CSMD1: variants seen among roughly 807,000 people sequenced by gnomAD.
CSMD1 encodes the protein CUB and sushi domain-containing protein 1.
CSMD1 carries 213 observed loss-of-function variants against 417.5 expected under a neutral mutation model. The observed-to-expected ratio is 0.51, with a 90% CI of 0.46 to 0.57. The LOEUF (loss-of-function observed/expected upper bound fraction) is 0.57. CSMD1 is among the 20% of genes least tolerant of loss of function. The pLI, the probability that CSMD1 is intolerant of heterozygous loss-of-function variation, is 0.00. For synonymous variants in CSMD1, 2,862 were observed against 1,736.8 expected, an observed-to-expected ratio of 1.65 and a Z score of -16.11; for missense variants, 6,923 against 4,529.7, an observed-to-expected ratio of 1.53 and a Z score of -15.17.
intron 26 of CSMD1, among the ~76,000 whole-genome samples, chr8:3,272,169 A>C (rs1801912751): frequency 1.4e-5 from 2 of 146,822 alleles, no homozygotes; most frequent in Non-Finnish European, 3.0e-5. Context: ...TTTTCCCAGC[A>C]CCATTTATTA....
At chr8:4,085,750 A>T (rs1800385552) in intron 3 of CSMD1, among the ~76,000 whole-genome samples, 1 of 152,194 alleles carries the variant, frequency 6.6e-6, no homozygotes. Context: ...AATGGAGGGA[A>T]GATGTGTGGC....
intron 2 of CSMD1, among the ~76,000 whole-genome samples, chr8:4,499,610 G>A (rs945872554): frequency 6.6e-6 from 1 of 152,174 alleles, no homozygotes; most frequent in Non-Finnish European, 1.5e-5. Flanking sequence ...GGTCAACAGT[G>A]GAATACATTA....
intron 69 of CSMD1, among the ~76,000 whole-genome samples, chr8:2,939,028 G>A (rs1283339556): frequency 6.6e-6 from 1 of 152,120 alleles, no homozygotes; most frequent in African/African-American, 2.4e-5. Flanking sequence ...GCAGTGGCAC[G>A]ACCACCACTC....
intron 10 of CSMD1, among the ~76,000 whole-genome samples, chr8:3,527,219 G>A (rs552402159): frequency 1.3e-5 from 2 of 152,160 alleles, no homozygotes; most frequent in Non-Finnish European, 1.5e-5. Context: ...CCACTACTCA[G>A]AACCAAATGT....
intron 3 of CSMD1, among the ~76,000 whole-genome samples, chr8:4,310,102 T>A (rs118020583): frequency 6.6e-6 from 1 of 152,136 alleles, no homozygotes; most frequent in East Asian, 1.9e-4. Context: ...CTCTCAGAGA[T>A]TCACTTATCT....
intron 5 of CSMD1, among the ~76,000 whole-genome samples, chr8:3,926,971 C>T (rs189133787): frequency 2.6e-5 from 4 of 152,038 alleles, no homozygotes; most frequent in Non-Finnish European, 2.9e-5. Flanking sequence ...ACCTCGGCCT[C>T]CCAAAGTGCT....
chr8:4,205,665 G>A (rs943865196), intron 3 of CSMD1, among the ~76,000 whole-genome samples: 74 of 152,094 alleles, frequency 4.9e-4, no homozygotes, highest in African/African-American at 1.7e-3. Flanking sequence ...CGGCTGTTGT[G>A]GCTCATTTGG....
In CSMD1 at chr8:4,058,772, G is replaced by C. The variant is rs532758695; in HGVS notation, c.416-26673C>G. On this transcript the variant is annotated intron_variant, in intron 3 of 69. Transcript: ENST00000635120. Reference sequence around the variant, plus strand: ...CTAAATATATATGCACCCAATACAGGAGCACCCAGATTCATAAAGCAAGTC... The same window carrying C: ...CTAAATATATATGCACCCAATACAGCAGCACCCAGATTCATAAAGCAAGTC... Among the ~76,000 whole-genome samples the C allele has an allele frequency of 3.3e-3, 472 of 144,982 alleles. 2 individuals are homozygous for C. Among genetic ancestry groups the C allele is most frequent in the African/African-American group, 0.012 (451 of 38,904 alleles).
chr8:4,558,533 C>T (rs894333352), intron 2 of CSMD1, among the ~76,000 whole-genome samples: 4 of 152,132 alleles, frequency 2.6e-5, no homozygotes, highest in East Asian at 1.9e-4. Context: ...AGGAAGACTC[C>T]GAAAGCAAGT....
intron 1 of CSMD1, among the ~76,000 whole-genome samples, chr8:4,753,223 T>G (rs1563296049): frequency 1.3e-5 from 2 of 152,030 alleles, no homozygotes; most frequent in Non-Finnish European, 2.9e-5. Context: ...TGAGCTCATT[T>G]GCTTTTTTCT....
chr8:4,602,268 C>T (rs533382551), intron 2 of CSMD1, among the ~76,000 whole-genome samples: 1 of 152,062 alleles, frequency 6.6e-6, no homozygotes, highest in East Asian at 1.9e-4. Flanking sequence ...AAATCTCTTA[C>T]TAAAAAAGAG....
intron 3 of CSMD1, among the ~76,000 whole-genome samples, chr8:4,411,998 G>GTA (rs1248886626): frequency 1.4e-5 from 2 of 143,232 alleles, no homozygotes; most frequent in Non-Finnish European, 1.5e-5. Context: ...GGGTGTGTGT[G>GTA]TGTGTGTGTG....
intron 1 of CSMD1, among the ~76,000 whole-genome samples, chr8:4,680,945 T>C (rs1351743912): frequency 1.4e-5 from 2 of 141,876 alleles, no homozygotes; most frequent in Non-Finnish European, 1.5e-5. Context: ...AATCTATCTA[T>C]ATTGATGTGT....
chr8:4,850,496 C>T (rs1351048910), intron 1 of CSMD1, among the ~76,000 whole-genome samples: 1 of 143,476 alleles, frequency 7.0e-6, no homozygotes, highest in Non-Finnish European at 1.5e-5. Context: ...CAATTGCAAA[C>T]ATTGGTTATT....
chr8:4,937,628 C>T (rs116086955), intron 1 of CSMD1, among the ~76,000 whole-genome samples: 4,468 of 152,202 alleles, frequency 0.029, 216 homozygotes, highest in African/African-American at 0.1. Context: ...GAGTATCTGA[C>T]GGAGGCATCA....
rs190846633 is a variant in CSMD1, at chr8:3,430,778, G to A, written c.1562-21173C>T. ...GCAGCGATCATGGCCCTGAACTGCAGCCTGGGTAACAGAACGAGACTCCAT... is the reference window on the plus strand; with the variant it reads ...GCAGCGATCATGGCCCTGAACTGCAACCTGGGTAACAGAACGAGACTCCAT... On this transcript the variant is annotated intron_variant, in intron 12 of 69. Coordinates refer to ENST00000635120, the MANE Select transcript of CSMD1 (RefSeq NM_033225.6). Among the ~76,000 whole-genome samples the A allele has an allele frequency of 3.0e-4, 46 of 152,266 alleles. No individual in the cohort carries two copies. The East Asian group carries it at 7.0e-3, about 23-fold the overall frequency.
chr8:4,102,397 C>A (rs959661849), intron 3 of CSMD1, among the ~76,000 whole-genome samples: 2 of 152,198 alleles, frequency 1.3e-5, no homozygotes, highest in Non-Finnish European at 2.9e-5. Flanking sequence ...GTAAGGTTAA[C>A]CCCTCTGGAG....
intron 1 of CSMD1, among the ~76,000 whole-genome samples, chr8:4,739,868 G>C (rs1810489981): frequency 6.6e-6 from 1 of 152,058 alleles, no homozygotes; most frequent in South Asian, 2.1e-4. Flanking sequence ...TTCCCAGAGG[G>C]ATCTTTCTAA....
At chr8:4,699,289 C>T (rs1563167644) in intron 1 of CSMD1, among the ~76,000 whole-genome samples, 1 of 152,128 alleles carries the variant, frequency 6.6e-6, no homozygotes, top group Non-Finnish European at 1.5e-5. Context: ...ACCAACAGTA[C>T]CTCTCTGTTT....
Sources: allele counts gnomAD v4.1 joint callset (sites outside exome capture counted in the v4.1 genomes callset), GRCh38; gene constraint gnomAD v4.1.1; transcripts MANE v1.5; gene names NCBI Gene and HGNC (gene_info 2026-07-23, HGNC 2026-07-21).